ZFR: variants seen among roughly 807,000 people sequenced by gnomAD.
ZFR encodes the protein zinc finger RNA-binding protein.
A neutral mutation model predicts 130.7 loss-of-function variants in ZFR; 19 were observed. That is an observed-to-expected ratio of 0.15 (90% confidence interval 0.10 to 0.21). The LOEUF is 0.21. Among genes scored for constraint, ZFR ranks in the 10% least tolerant of loss-of-function variants. The pLI, the probability that ZFR is intolerant of heterozygous loss-of-function variation, is 1.00. For missense variants in ZFR, 872 were observed against 1,321.5 expected, an observed-to-expected ratio of 0.66 and a Z score of 5.27; for synonymous variants, 466 against 456.9, an observed-to-expected ratio of 1.02 and a Z score of -0.25.
At chr5:32,370,378 A>G (rs200273629) in intron 17 of ZFR, among the ~76,000 whole-genome samples, 144 of 149,802 alleles carry the variant, frequency 9.6e-4, no homozygotes, top group African/African-American at 2.8e-3. Context: ...AGGCAGGCAG[A>G]CAGACAGACA....
intron 2 of ZFR, among the ~76,000 whole-genome samples, chr5:32,430,266 G>T (rs781633848): frequency 6.6e-6 from 1 of 151,804 alleles, no homozygotes; most frequent in Non-Finnish European, 1.5e-5. Context: ...GAACAAGATG[G>T]GTCAAAAACA....
At chr5:32,404,982 C>T (rs565743493) in intron 6 of ZFR, among the ~76,000 whole-genome samples, 14 of 152,262 alleles carry the variant, frequency 9.2e-5, no homozygotes, top group African/African-American at 3.1e-4. Flanking sequence ...ATGCGTAGCT[C>T]ATTTTTCATA....
intron 10 of ZFR, among the ~76,000 whole-genome samples, chr5:32,396,332 T>C (rs904404989): frequency 6.6e-6 from 1 of 152,210 alleles, no homozygotes; most frequent in African/African-American, 2.4e-5. Flanking sequence ...ATGTTGGGGT[T>C]AAAAAGTTTC....
intron 17 of ZFR, among the ~76,000 whole-genome samples, chr5:32,372,903 T>C (rs1182989331): frequency 1.3e-5 from 2 of 152,088 alleles, no homozygotes; most frequent in South Asian, 2.1e-4. Flanking sequence ...GAGGTATACA[T>C]TATACCTTGT....
chr5:32,383,486 C>G (rs1011529274), intron 15 of ZFR, among the ~76,000 whole-genome samples: 1 of 152,142 alleles, frequency 6.6e-6, no homozygotes, highest in African/African-American at 2.4e-5. Flanking sequence ...GTTTAACTGT[C>G]AAACACAGTA....
In ZFR at chr5:32,414,961, A is replaced by T. The variant is rs1000865787; in HGVS notation, c.784+8T>A. 13 of 1,605,836 alleles carry T rather than the reference A, an allele frequency of 8.1e-6. No homozygotes were observed. Among genetic ancestry groups the T allele is most frequent in the African/African-American group, 1.3e-5 (1 of 74,796 alleles). ...TTTACTCATTTAAACACAGTTTATC[A>T]GTCTTACCAGAATATGTAACTGCTG... On this transcript the variant is annotated splice_region_variant and intron_variant, in intron 5 of 19. Coordinates refer to ENST00000265069, the MANE Select transcript of ZFR (RefSeq NM_016107.5).
At chr5:32,387,812 A>T in intron 13 of ZFR, 113 bp from the exon 14 acceptor site, 1 of 1,049,208 alleles carries the variant, frequency 9.5e-7, no homozygotes, top group Non-Finnish European at 1.3e-6. Context: ...AATTTCCATC[A>T]ACCGCAGTAG....
Position 32,420,723 on chromosome 5 carries a change from T to A in ZFR, c.138-620A>T, listed in dbSNP as rs1032561970. 4.6e-5 allele frequency among the ~76,000 whole-genome samples: 7 copies of A among 152,222 alleles called. 1 individual carries two copies. Among genetic ancestry groups the A allele is most frequent in the Admixed American group, 4.6e-4 (7 of 15,288 alleles). ...GGTGGTGATATGTGAGCTACTGGCA[T>A]CCAGTGGATAGAGGCCAGGGATGCT... On this transcript the variant is annotated intron_variant, in intron 2 of 19. Transcript: ENST00000265069.
intron 17 of ZFR, among the ~76,000 whole-genome samples, chr5:32,366,650 G>A (rs1460242335): frequency 1.3e-5 from 2 of 151,876 alleles, no homozygotes; most frequent in Non-Finnish European, 1.5e-5. Flanking sequence ...AGTTAAAAGA[G>A]CAATGAAAAT....
chr5:32,440,216 G>A (rs1349590459), intron 2 of ZFR, among the ~76,000 whole-genome samples: 1 of 152,166 alleles, frequency 6.6e-6, no homozygotes, highest in Non-Finnish European at 1.5e-5. Context: ...TTTTGGCCAT[G>A]AAGCCATCCT....
intron 9 of ZFR, among the ~76,000 whole-genome samples, chr5:32,398,258 C>T (rs1214416717): frequency 6.6e-6 from 1 of 152,092 alleles, no homozygotes; most frequent in Non-Finnish European, 1.5e-5. Context: ...TTGCTGCTGG[C>T]CAAGTATTGT....
At chr5:32,418,973 G>T (rs556206478) in intron 3 of ZFR, among the ~76,000 whole-genome samples, 4 of 152,092 alleles carry the variant, frequency 2.6e-5, no homozygotes, top group African/African-American at 9.7e-5. Context: ...ATGAATAAGG[G>T]CATGATCAAT....
intron 14 of ZFR, 112 bp downstream of exon 14, chr5:32,387,437 G>C: frequency 1.5e-6 from 2 of 1,299,854 alleles, no homozygotes; most frequent in Non-Finnish European, 2.1e-6. Context: ...AATACAGAAA[G>C]TCAAGCCAAA....
At chr5:32,361,772 G>A (rs1752439963) in intron 19 of ZFR, among the ~76,000 whole-genome samples, 1 of 151,904 alleles carries the variant, frequency 6.6e-6, no homozygotes, top group Admixed American at 6.6e-5. Flanking sequence ...GCACTCACAT[G>A]CCACCACGCC....
At chr5:32,407,303 T>C (rs749140286) in intron 5 of ZFR, among the ~76,000 whole-genome samples, 4 of 151,642 alleles carry the variant, frequency 2.6e-5, no homozygotes, top group East Asian at 3.9e-4. Flanking sequence ...AGAGATGTGA[T>C]AGTGTGTTTG....
intron 17 of ZFR, among the ~76,000 whole-genome samples, chr5:32,369,745 G>A (rs866779331): frequency 6.6e-6 from 1 of 152,080 alleles, no homozygotes; most frequent in African/African-American, 2.4e-5. Flanking sequence ...CTGGGAAGTC[G>A]AGGCTGCAGT....
rs554862754 is a variant in ZFR, at chr5:32,392,296, T to C, written c.1980-1859A>G. 8.4e-4 allele frequency among the ~76,000 whole-genome samples: 128 copies of C among 152,318 alleles called. 1 individual carries two copies. The highest frequency in any genetic ancestry group is 3.4e-3 in the Middle Eastern group (1 of 294). ...ACTGTGGATGCTTAATAGTTGGTATTATCAGTGAAAGAGGAAAGCACTGTA... is the reference window on the plus strand; with the variant it reads ...ACTGTGGATGCTTAATAGTTGGTATCATCAGTGAAAGAGGAAAGCACTGTA... On this transcript the variant is annotated intron_variant, in intron 11 of 19. Transcript: ENST00000265069.
chr5:32,364,332 C>G, intron 17 of ZFR, 57 bp from the exon 18 acceptor site: 1 of 1,402,692 alleles, frequency 7.1e-7, no homozygotes, highest in East Asian at 2.4e-5. Flanking sequence ...TACTCATTTT[C>G]AAACTAAAAT....
chr5:32,403,426 A>G, intron 7 of ZFR, 29 bp from the exon 8 acceptor site: 1 of 1,592,030 alleles, frequency 6.3e-7, no homozygotes, highest in Non-Finnish European at 8.6e-7. Flanking sequence ...CTTATTTGTC[A>G]GGAAACTCAA....
Sources: gnomAD v4.1 joint callset for allele counts (sites outside exome capture counted in the v4.1 genomes callset) on GRCh38, gnomAD v4.1.1 for gene constraint, MANE v1.5 for transcripts, NCBI Gene and HGNC (gene_info 2026-07-23, HGNC 2026-07-21) for gene names.